Variants in DNM2 observed in about 807,000 individuals in gnomAD.
DNM2 encodes the protein dynamin-2.
In DNM2, 15 loss-of-function variants were observed where a neutral mutation model predicts 99.0. The ratio of observed to expected loss-of-function variants is 0.15; its 90% CI spans 0.10 to 0.23. The LOEUF is 0.23. Among genes scored for constraint, DNM2 ranks in the 10% least tolerant of loss-of-function variants. DNM2 has a pLI of 1.00. For missense variants in DNM2, 742 were observed against 1,189.4 expected (o/e 0.62, Z 5.53); for synonymous variants, 525 against 481.2 (o/e 1.09, Z -1.19).
At chr19:10,798,139 G>A (rs2072004011) in intron 10 of DNM2, among the ~76,000 whole-genome samples, 1 of 152,180 alleles carries the variant, frequency 6.6e-6, no homozygotes, top group Non-Finnish European at 1.5e-5. Flanking sequence ...AGGCCCTTCA[G>A]GGTTCCTGCT....
In DNM2 at chr19:10,727,657, A is replaced by T. The variant is rs185121339; in HGVS notation, c.161+9254A>T. 2.4e-4 allele frequency among the ~76,000 whole-genome samples: 37 copies of T among 152,240 alleles called. No individual in the cohort carries two copies. The East Asian group carries it at 5.6e-3, about 23-fold the overall frequency. The stretch of plus-strand genomic sequence containing the variant: ...AGTGCTGGGATTACAGGCAAGAGCC[A>T]CGGCACCCGGCCTAGGTTAGATTTA... On this transcript the variant is annotated intron_variant, in intron 1 of 20. Transcript: ENST00000389253.
In DNM2 at chr19:10,795,324, G is replaced by C. The variant is rs372939762; in HGVS notation, c.1129-48G>C. 1.0e-4 allele frequency: 164 copies of C among 1,601,684 alleles called. No homozygotes were observed. The South Asian group carries it at 1.5e-3, about 14-fold the overall frequency. On this transcript the variant is annotated intron_variant, in intron 8 of 20. Transcript: ENST00000389253. The surrounding 1 kb of genome is among the most constrained non-coding windows in gnomAD (Gnocchi z 4.2). ...TTCCCCAGATGCACGCCTGCCACGG[G>C]GGCGCCCCGGGTGCCTCCATGCATG... is the stretch of plus-strand genomic sequence containing the variant.
intron 1 of DNM2, among the ~76,000 whole-genome samples, chr19:10,721,918 AGAGTTCT>A (rs2068953978): frequency 6.6e-6 from 1 of 152,120 alleles, no homozygotes; most frequent in African/African-American, 2.4e-5. Flanking sequence ...TCAGATCTAT[AGAGTTCT>A]GAGTTGTCAT....
intron 12 of DNM2, among the ~76,000 whole-genome samples, chr19:10,804,962 AAT>A (rs1310937052): frequency 2.6e-5 from 4 of 152,232 alleles, no homozygotes; most frequent in Non-Finnish European, 5.9e-5. Context: ...AAGACAAGAA[AAT>A]ATGATGGATA....
At chr19:10,794,180 T>C (rs920786328) in intron 8 of DNM2, among the ~76,000 whole-genome samples, 1 of 152,066 alleles carries the variant, frequency 6.6e-6, no homozygotes, top group African/African-American at 2.4e-5. Flanking sequence ...AAGGAAAAAA[T>C]AGGCATTGGA....
intron 7 of DNM2, among the ~76,000 whole-genome samples, chr19:10,793,153 A>C (rs749879539): frequency 6.6e-6 from 1 of 152,176 alleles, no homozygotes; most frequent in South Asian, 2.1e-4. Context: ...TTTTAGGATC[A>C]GTGACTTCTT....
Position 10,830,121 on chromosome 19 carries a change from TCA to T in DNM2, c.2292-3_2292-2del. The T allele has an allele frequency of 1.2e-6, 2 of 1,613,732 alleles. No individual in the cohort carries two copies. The highest frequency in any genetic ancestry group is 1.3e-5 in the African/African-American group (1 of 74,960). On this transcript the variant is annotated splice_polypyrimidine_tract_variant and splice_region_variant and intron_variant, in intron 19 of 20. Transcript: ENST00000389253. This position sits in a 1 kb window ranked among gnomAD's most constrained non-coding sequence, Gnocchi z 4.8. The stretch of plus-strand genomic sequence containing the variant: ...TCTGTAGCTCACACCCTCTCCTTCC[TCA>T]CAGCCCCACTCCACAGCGCCGACCG...
chr19:10,741,779 C>G (rs2145765386), intron 1 of DNM2, among the ~76,000 whole-genome samples: 1 of 151,406 alleles, frequency 6.6e-6, no homozygotes, highest in East Asian at 2.0e-4. Flanking sequence ...TCTCTATCTC[C>G]TGACCTTGTG....
rs577002980 is a variant in DNM2, at chr19:10,777,584, C to CCCTTTT, written c.688+381_688+386dup. Among the ~76,000 whole-genome samples, 487 of 152,190 alleles carry CCCTTTT rather than the reference C, an allele frequency of 3.2e-3. 1 individual carries two copies. The highest frequency in any genetic ancestry group is 0.011 in the African/African-American group (468 of 41,514). ...TACTTTCTATTATGAGCCTTCCCTT[C>CCCTTTT]CCTTTTCCTTTTCCTTTTTGTTTTT... On this transcript the variant is annotated intron_variant, in intron 5 of 20. Coordinates refer to ENST00000389253, the MANE Select transcript of DNM2 (RefSeq NM_001005361.3).
intron 1 of DNM2, among the ~76,000 whole-genome samples, chr19:10,754,868 A>G (rs1025960615): frequency 2.0e-5 from 3 of 152,224 alleles, no homozygotes; most frequent in Non-Finnish European, 4.4e-5. Flanking sequence ...CTGGGATTAC[A>G]GGTGTGAGCC....
At chr19:10,738,342 C>T (rs931364786) in intron 1 of DNM2, among the ~76,000 whole-genome samples, 2 of 152,300 alleles carry the variant, frequency 1.3e-5, no homozygotes, top group Admixed American at 6.5e-5. Context: ...GGTGGCAGGG[C>T]ATGGTGGCTC....
At chr19:10,732,857 C>T (rs576601536) in intron 1 of DNM2, among the ~76,000 whole-genome samples, 3 of 152,046 alleles carry the variant, frequency 2.0e-5, no homozygotes, top group South Asian at 2.1e-4. Flanking sequence ...TATTTAGTGC[C>T]TCCAAGAATG....
chr19:10,779,735 G>C, intron 5 of DNM2, among the ~76,000 whole-genome samples: 1 of 151,686 alleles, frequency 6.6e-6, no homozygotes, highest in East Asian at 1.9e-4. Flanking sequence ...GCCCAGGCTG[G>C]AGTGCAGGGG....
chr19:10,774,953 T>C (rs1233583918), intron 3 of DNM2, among the ~76,000 whole-genome samples: 2 of 151,810 alleles, frequency 1.3e-5, no homozygotes, highest in Non-Finnish European at 1.5e-5. Context: ...ATATTTTTGG[T>C]AGAGGTAGGG....
At chr19:10,720,236 A>G (rs1299584911) in intron 1 of DNM2, among the ~76,000 whole-genome samples, 1 of 147,606 alleles carries the variant, frequency 6.8e-6, no homozygotes. Flanking sequence ...TTTTTGAGAC[A>G]GAGTCTCCCT....
intron 1 of DNM2, among the ~76,000 whole-genome samples, chr19:10,729,566 G>A (rs552230082): frequency 2.6e-5 from 4 of 152,244 alleles, no homozygotes; most frequent in Middle Eastern, 3.4e-3. Context: ...CACCCGGCCC[G>A]CTGAGTGCCC....
Position 10,817,405 on chromosome 19 carries a change from C to T in DNM2, c.1672-2575C>T, listed in dbSNP as rs1005039. 9.0e-3 allele frequency: 4,477 copies of T among 496,774 alleles called. 58 individuals are homozygous for T. The highest frequency in any genetic ancestry group is 0.036 in the African/African-American group (1,853 of 50,794). The allele number at this position is 496,774 out of a possible 1,614,324, so 30.8% of individuals were successfully genotyped here. A position where few individuals can be genotyped will look rare whatever the true frequency, so the allele number is the denominator to read the frequency against. ...GGCGAGTTTGGGGGGCCTGTCTCGA[C>T]GAGCCGCTCACCCAAGCCCAGCCTA... On this transcript the variant is annotated intron_variant, in intron 15 of 20. Coordinates refer to ENST00000389253, the MANE Select transcript of DNM2 (RefSeq NM_001005361.3). This position sits in a 1 kb window ranked among gnomAD's most constrained non-coding sequence, Gnocchi z 4.6.
rs1328758005 is a variant in DNM2, at chr19:10,829,242, C to G, written c.2265C>G (p.Thr755=). 6.2e-7 allele frequency: 1 copy of G among 1,613,738 alleles called. No individual in the cohort carries two copies. The highest frequency in any genetic ancestry group is 8.5e-7 in the Non-Finnish European group (1 of 1,180,004). ...CTGTACCCCCGCCTGTCGATGACAC[C>G]TGGCTCCAGAGCGCCAGCAGCCACA... The part of the protein sequence containing the change: ...STPVPPPVDD[T]WLQSASSHSP... Residue 755 remains threonine (T), a synonymous_variant, in exon 19 of 21, where the codon ACC becomes ACG. Coordinates refer to ENST00000389253, the MANE Select transcript of DNM2 (RefSeq NM_001005361.3).
chr19:10,801,314 A>G (rs958231454), intron 11 of DNM2, among the ~76,000 whole-genome samples: 1 of 151,736 alleles, frequency 6.6e-6, no homozygotes, highest in Non-Finnish European at 1.5e-5. Context: ...TCCCAAAAAA[A>G]AGAAAAAGAA....
Sources: allele counts gnomAD v4.1 joint callset (sites outside exome capture counted in the v4.1 genomes callset), GRCh38; gene constraint gnomAD v4.1.1; non-coding constraint Gnocchi (gnomAD v3.1); transcripts MANE v1.5; gene names NCBI Gene and HGNC (gene_info 2026-07-23, HGNC 2026-07-21).